KIAA1614: variants seen among roughly 807,000 people sequenced by gnomAD.
KIAA1614 encodes the protein uncharacterized protein KIAA1614.
In KIAA1614, 76 loss-of-function variants were observed where a neutral mutation model predicts 88.7. The ratio of observed to expected loss-of-function variants is 0.86; its 90% CI spans 0.71 to 1.04. KIAA1614 has a LOEUF of 1.04. KIAA1614 is among the 50% of genes least tolerant of loss of function. KIAA1614 has a pLI of 0.00. For synonymous variants in KIAA1614, 714 were observed against 675.5 expected (o/e 1.06, Z -0.88); for missense variants, 1,553 against 1,582.5 (o/e 0.98, Z 0.32).
intron 1 of KIAA1614, among the ~76,000 whole-genome samples, chr1:180,914,812 C>T (rs1653741814): frequency 6.6e-6 from 1 of 152,128 alleles, no homozygotes; most frequent in Non-Finnish European, 1.5e-5. Flanking sequence ...AATCTTGGCT[C>T]ACTGCAACCT....
chr1:180,945,376 G>A lies in KIAA1614; in HGVS notation c.3361G>A (p.Gly1121Ser). ...TGCTCCCAGCCTGGCTCGCACCGTG[G>A]GCCGCCTGGTGGAGGTGTTCCCAGA... Reference protein sequence around the residue: ...VGAPSLARTVGRLVEVFPDGT... With the variant: ...VGAPSLARTVSRLVEVFPDGT... The change falls in exon 9 of 9, where the codon GGC becomes AGC. Residue 1121 changes from glycine (G) to serine (S), a missense_variant. Gly to Ser is a moderately conservative substitution (Grantham distance 56, BLOSUM62 0). Coordinates refer to ENST00000367588, the MANE Select transcript of KIAA1614 (RefSeq NM_020950.2). 1 of 1,599,508 alleles carries A rather than the reference G, an allele frequency of 6.3e-7. No individual in the cohort carries two copies. The highest frequency in any genetic ancestry group is 8.5e-7 in the Non-Finnish European group (1 of 1,175,578).
At chr1:180,921,397 G>T (rs1003774322) in intron 3 of KIAA1614, among the ~76,000 whole-genome samples, 3 of 152,186 alleles carry the variant, frequency 2.0e-5, no homozygotes, top group Non-Finnish European at 2.9e-5. Context: ...CTTAGCTTGG[G>T]CTCAGAGGCC....
chr1:180,946,966 G>C lies in KIAA1614; in HGVS notation c.*1378G>C, dbSNP rs1247711751. The C allele has an allele frequency of 6.6e-6, 1 of 152,300 alleles. No homozygotes were observed. 9.4% of individuals were successfully genotyped at this position (152,300 alleles called of 1,614,324 possible). A position where few individuals can be genotyped will look rare whatever the true frequency, so the allele number is the denominator to read the frequency against. ...TATGTATAATGTGCTACGTATGTCA[G>C]ATGGTGAAAAGAAAGTTCTGAGAAA... On this transcript the variant is annotated 3_prime_UTR_variant, in exon 9 of 9. Transcript: ENST00000367588.
intron 8 of KIAA1614, 107 bp downstream of exon 8, chr1:180,944,623 T>C (rs550476586): frequency 8.1e-5 from 105 of 1,293,154 alleles, no homozygotes; most frequent in Non-Finnish European, 1.1e-4. Context: ...CAGGGTCCTT[T>C]GAAGGGAAAG....
Position 180,950,141 on chromosome 1 carries a change from CTA to C in KIAA1614, c.*4555_*4556del. The C allele has an allele frequency of 5.5e-6, 1 of 182,844 alleles. No homozygotes were observed. The highest frequency in any genetic ancestry group is 1.2e-5 in the Non-Finnish European group (1 of 86,486). The allele number at this position is 182,844 out of a possible 1,614,324, so 11.3% of individuals were successfully genotyped here. On this transcript the variant is annotated 3_prime_UTR_variant, in exon 9 of 9. Transcript: ENST00000367588. ...AGACCATGGAGGAGGCGCACTGTAT[CTA>C]TGTCTAAAGCCAGTTGTGGTTGTGA...
intron 7 of KIAA1614, among the ~76,000 whole-genome samples, chr1:180,943,550 C>CTTT (rs60128001): frequency 2.5e-4 from 25 of 98,184 alleles, no homozygotes; most frequent in African/African-American, 8.0e-4. Flanking sequence ...GGTAGTAGAT[C>CTTT]TTTTTTTTTT....
rs1654319185 is a variant in KIAA1614 at position 180,935,805 on chromosome 1, G to A, written c.1896G>A (p.Gln632=). ...RTDSEEAGTS[Q]AGWACGRTQG... ...ACAGTGAGGAGGCGGGGACCTCTCA[G>A]GCTGGCTGGGCGTGTGGGCGGACCC... Residue 632 remains glutamine, a synonymous_variant, in exon 5 of 9, where the codon CAG becomes CAA. Transcript: ENST00000367588. The surrounding 1 kb of genome is among the most constrained non-coding windows in gnomAD (Gnocchi z 6.1). 1 of 1,613,812 alleles carries A rather than the reference G, an allele frequency of 6.2e-7. No homozygotes were observed. The highest frequency in any genetic ancestry group is 8.5e-7 in the Non-Finnish European group (1 of 1,179,958).
At chr1:180,930,279 C>A (rs868788634) in intron 4 of KIAA1614, among the ~76,000 whole-genome samples, 1 of 152,022 alleles carries the variant, frequency 6.6e-6, no homozygotes, top group Non-Finnish European at 1.5e-5. Context: ...ATTAGCTGGG[C>A]GTGGTGGCGG....
chr1:180,918,662 G>A (rs935295319), intron 3 of KIAA1614, among the ~76,000 whole-genome samples: 10 of 152,198 alleles, frequency 6.6e-5, no homozygotes, highest in African/African-American at 2.2e-4. Flanking sequence ...TTCCCCAGCT[G>A]TCTGGTGTTG....
intron 3 of KIAA1614, among the ~76,000 whole-genome samples, chr1:180,923,315 A>C (rs1272872458): frequency 6.6e-6 from 1 of 152,216 alleles, no homozygotes; most frequent in East Asian, 1.9e-4. Context: ...TCTGGTGACC[A>C]GCCCACATCC....
Position 180,916,498 on chromosome 1 carries a change from G to C in KIAA1614, c.395G>C (p.Gly132Ala), listed in dbSNP as rs1248766154. Residue 132 changes from glycine to alanine, a missense_variant, in exon 2 of 9, where the codon GGG (glycine) becomes GCG (alanine). By Grantham distance (60) the Gly-to-Ala change is moderately conservative (BLOSUM62 0). Transcript: ENST00000367588. ...GGGAGAGCCGGGACTCCATCAGAGG[G>C]GTCTTTCCTGCCAGGTGCTGTGGTG... Reference protein sequence around the residue: ...KAGRAGTPSEGSFLPGAVVAP... With the variant: ...KAGRAGTPSEASFLPGAVVAP... The C allele has an allele frequency of 3.7e-6, 6 of 1,613,942 alleles. No homozygotes were observed. In the African/African-American group the frequency reaches 8.0e-5, roughly 22 times the overall value.
chr1:180,913,399 C>A (rs1276763678), intron 1 of KIAA1614, 106 bp downstream of exon 1: 2 of 685,854 alleles, frequency 2.9e-6, no homozygotes, highest in Admixed American at 4.4e-5. Context: ...AAGCGGGCCT[C>A]CCACGGGCTC....
Position 180,935,389 on chromosome 1 carries a change from C to A in KIAA1614, c.1480C>A (p.Leu494Ile). 6.8e-7 allele frequency: 1 copy of A among 1,470,378 alleles called. No individual in the cohort carries two copies. The highest frequency in any genetic ancestry group is 8.9e-7 in the Non-Finnish European group (1 of 1,117,490). The allele number at this position is 1,470,378 out of a possible 1,614,324, so 91.1% of individuals were successfully genotyped here. The change falls in exon 5 of 9, where the codon CTC becomes ATC. Residue 494 changes from leucine (L) to isoleucine (I), a missense_variant. Physicochemically the swap from Leu to Ile is conservative, Grantham distance 5. Coordinates refer to ENST00000367588, the MANE Select transcript of KIAA1614 (RefSeq NM_020950.2). This position sits in a 1 kb window ranked among gnomAD's most constrained non-coding sequence, Gnocchi z 6.1. ...GGGCCCCCTGCGCTCCAAGCCCGAC[C>A]TCGCCGACTACATCAACGGGGCTCC... ...DQGPLRSKPD[L>I]ADYINGAPRL...
In KIAA1614 at chr1:180,935,756, A is replaced by G. The variant is rs1257331487; in HGVS notation, c.1847A>G (p.Asp616Gly). 1.2e-6 allele frequency: 2 copies of G among 1,613,858 alleles called. No homozygotes were observed. The highest frequency in any genetic ancestry group is 1.7e-6 in the Non-Finnish European group (2 of 1,179,952). Reference sequence around the variant, plus strand: ...GTGGACTCTGCCCTGGACAGCACAGACAACTCTGACAACTGCAGGACCGAC... The same window carrying G: ...GTGGACTCTGCCCTGGACAGCACAGGCAACTCTGACAACTGCAGGACCGAC... ...AEVDSALDST[D>G]NSDNCRTDSE... The change falls in exon 5 of 9, where the codon GAC (aspartate) becomes GGC (glycine). Residue 616 changes from aspartate to glycine, a missense_variant. Transcript: ENST00000367588. This position sits in a 1 kb window ranked among gnomAD's most constrained non-coding sequence, Gnocchi z 6.1.
rs1018549763 is a variant in KIAA1614 at position 180,913,233 on chromosome 1, C to A, written c.-11C>A. The A allele has an allele frequency of 4.0e-6, 5 of 1,263,346 alleles. No individual in the cohort carries two copies. The South Asian group carries it at 1.7e-4, about 43-fold the overall frequency. 78.3% of individuals were successfully genotyped at this position (1,263,346 alleles called of 1,614,324 possible). A position where few individuals can be genotyped will look rare whatever the true frequency, so the allele number is the denominator to read the frequency against. ...GAGAAGGGGCTGGAGAGGGCCTGGCCTCTCCGAGGGATGGAGGGGACAGAG... is the reference window on the plus strand; with the variant it reads ...GAGAAGGGGCTGGAGAGGGCCTGGCATCTCCGAGGGATGGAGGGGACAGAG... On this transcript the variant is annotated 5_prime_UTR_variant, in exon 1 of 9. Coordinates refer to ENST00000367588, the MANE Select transcript of KIAA1614 (RefSeq NM_020950.2).
intron 6 of KIAA1614, among the ~76,000 whole-genome samples, chr1:180,939,435 A>T (rs1172081896): frequency 1.3e-5 from 2 of 152,078 alleles, no homozygotes; most frequent in Admixed American, 1.3e-4. Flanking sequence ...CGGCAAACAC[A>T]TCACTGTCTG....
Position 180,936,109 on chromosome 1 carries a change from C to A in KIAA1614, c.2200C>A (p.Pro734Thr). 6.2e-7 allele frequency: 1 copy of A among 1,614,208 alleles called. No homozygotes were observed. Among genetic ancestry groups the A allele is most frequent in the Non-Finnish European group, 8.5e-7 (1 of 1,180,020 alleles). ...QPGPGLGSHQ[P>T]HPLDSRTPCR... ...TGGACCAGGGCTGGGAAGTCACCAGCCTCACCCTTTGGATTCCCGGACTCC... is the reference window on the plus strand; with the variant it reads ...TGGACCAGGGCTGGGAAGTCACCAGACTCACCCTTTGGATTCCCGGACTCC... Residue 734 changes from proline to threonine, a missense_variant, in exon 5 of 9, where the codon CCT becomes ACT. Physicochemically the swap from Pro to Thr is conservative, Grantham distance 38 (BLOSUM62 -1). Coordinates refer to ENST00000367588, the MANE Select transcript of KIAA1614 (RefSeq NM_020950.2).
intron 4 of KIAA1614, 92 bp downstream of exon 4, chr1:180,928,665 C>A: frequency 7.3e-7 from 1 of 1,364,650 alleles, no homozygotes; most frequent in Non-Finnish European, 1.0e-6. Flanking sequence ...AATGCTGCTG[C>A]TGCTCGCTCC....
chr1:180,932,523 A>G (rs1034300155), intron 4 of KIAA1614, among the ~76,000 whole-genome samples: 3 of 152,160 alleles, frequency 2.0e-5, no homozygotes, highest in Non-Finnish European at 4.4e-5. Flanking sequence ...CCCTGTCCAT[A>G]TTGTGCGTCC....
Sources: gnomAD v4.1 joint callset for allele counts (sites outside exome capture counted in the v4.1 genomes callset) on GRCh38, gnomAD v4.1.1 for gene constraint, Gnocchi (gnomAD v3.1) non-coding constraint, MANE v1.5 for transcripts, NCBI Gene and HGNC (gene_info 2026-07-23, HGNC 2026-07-21) for gene names.